Variants in CPPED1 observed in about 807,000 individuals in gnomAD.
CPPED1 encodes calcineurin like phosphoesterase domain containing 1.
A neutral mutation model predicts 28.0 loss-of-function variants in CPPED1; 28 were observed. The observed-to-expected ratio is 1.00, with a 90% CI of 0.74 to 1.37. The LOEUF is 1.37. Ranked by LOEUF, CPPED1 falls within the 40% of genes most tolerant of loss-of-function variation. The pLI is 0.00. For missense variants in CPPED1, 504 were observed against 416.5 expected, an observed-to-expected ratio of 1.21 and a Z score of -1.83; for synonymous variants, 198 against 180.2, an observed-to-expected ratio of 1.10 and a Z score of -0.79.
At chr16:12,801,879 A>G (rs1357302070) in intron 1 of CPPED1, among the ~76,000 whole-genome samples, 1 of 152,184 alleles carries the variant, frequency 6.6e-6, no homozygotes, top group Non-Finnish European at 1.5e-5. Context: ...CCACGCCTCA[A>G]AGGAGGAAAT....
intron 3 of CPPED1, 139 bp from the exon 4 acceptor site, chr16:12,665,254 T>A (rs769197894): frequency 7.9e-6 from 6 of 756,924 alleles, no homozygotes; most frequent in Non-Finnish European, 1.2e-5. Context: ...ATTAAATGTA[T>A]AATATTATTC....
At chr16:12,694,388 C>T (rs1014280818) in intron 3 of CPPED1, among the ~76,000 whole-genome samples, 59 of 152,236 alleles carry the variant, frequency 3.9e-4, no homozygotes, top group African/African-American at 1.3e-3. Flanking sequence ...CATTTACACA[C>T]GCCAGATTCT....
intron 3 of CPPED1, among the ~76,000 whole-genome samples, chr16:12,669,448 T>C (rs544186518): frequency 6.6e-6 from 1 of 152,102 alleles, no homozygotes; most frequent in Non-Finnish European, 1.5e-5. Flanking sequence ...ACGACTAAAT[T>C]TGATACTTCA....
Position 12,781,383 on chromosome 16 carries a change from C to G in CPPED1, c.91G>C (p.Gly31Arg), listed in dbSNP as rs200680134. The G allele has an allele frequency of 1.2e-6, 2 of 1,613,802 alleles. No homozygotes were observed. Among genetic ancestry groups the G allele is most frequent in the South Asian group, 2.2e-5 (2 of 90,996 alleles). The change falls in exon 2 of 4, where the codon GGC (glycine) becomes CGC (arginine). Residue 31 changes from glycine to arginine, a missense_variant. Physicochemically the swap from Gly to Arg is moderately radical, Grantham distance 125 (BLOSUM62 -2). Transcript: ENST00000381774. Reference sequence around the variant, plus strand: ...GCGCCCAGGATGAAGTAGAATGGGCCTTTCCATTCGCTTTCCTTTTCTTAA... The same window carrying G: ...GCGCCCAGGATGAAGTAGAATGGGCGTTTCCATTCGCTTTCCTTTTCTTAA... Reference protein sequence around the residue: ...FPAEKESEWKGPFYFILGADP... With the variant: ...FPAEKESEWKRPFYFILGADP...
chr16:12,793,715 G>C (rs567414277), intron 1 of CPPED1, among the ~76,000 whole-genome samples: 1 of 152,292 alleles, frequency 6.6e-6, no homozygotes, highest in East Asian at 1.9e-4. Context: ...TCTTAGCAGA[G>C]ACAGGCTTTT....
intron 3 of CPPED1, among the ~76,000 whole-genome samples, chr16:12,665,709 C>G (rs975636767): frequency 1.3e-5 from 2 of 152,158 alleles, no homozygotes; most frequent in African/African-American, 4.8e-5. Context: ...GTGGGTGGAT[C>G]ACAAGGTCAG....
chr16:12,761,366 T>C (rs2080409167), intron 2 of CPPED1, among the ~76,000 whole-genome samples: 3 of 151,238 alleles, frequency 2.0e-5, no homozygotes, highest in African/African-American at 4.9e-5. Flanking sequence ...TGGAAGCACA[T>C]GGTCACTACC....
chr16:12,777,275 T>C (rs969372039), intron 2 of CPPED1, among the ~76,000 whole-genome samples: 1 of 152,234 alleles, frequency 6.6e-6, no homozygotes, highest in Non-Finnish European at 1.5e-5. Context: ...TGAATGTATA[T>C]GTTAGTAACA....
chr16:12,725,731 T>C (rs939090371), intron 2 of CPPED1, among the ~76,000 whole-genome samples: 1 of 152,194 alleles, frequency 6.6e-6, no homozygotes, highest in Non-Finnish European at 1.5e-5. Flanking sequence ...GCTGTAATCT[T>C]GTGTGCCACA....
chr16:12,721,165 G>A (rs895966069), intron 2 of CPPED1, among the ~76,000 whole-genome samples: 1 of 152,206 alleles, frequency 6.6e-6, no homozygotes, highest in African/African-American at 2.4e-5. Context: ...TCTATCTTCT[G>A]AAGGGAAAAT....
At chr16:12,794,049 A>C (rs1229652931) in intron 1 of CPPED1, among the ~76,000 whole-genome samples, 1 of 152,178 alleles carries the variant, frequency 6.6e-6, no homozygotes, top group African/African-American at 2.4e-5. Flanking sequence ...TTTAAAAAAA[A>C]AAATCACACA....
intron 3 of CPPED1, among the ~76,000 whole-genome samples, chr16:12,667,068 G>A (rs1242344342): frequency 4.6e-5 from 7 of 151,672 alleles, no homozygotes; most frequent in Admixed American, 3.9e-4. Context: ...GGTGGGGGTG[G>A]AGGTAATGAA....
At position 12,689,062 on chromosome 16, in the gene CPPED1, A is replaced by G. The variant is rs145043523; in HGVS notation, c.715+15562T>C. 2.2e-4 allele frequency among the ~76,000 whole-genome samples: 33 copies of G among 152,310 alleles called. No individual in the cohort carries two copies. In the East Asian group the frequency reaches 6.4e-3, roughly 29 times the overall value. ...ACAAAGAACAAGTGGAAACAACCTC[A>G]GTGTCCAACAATGACAAGAGTTAAA... On this transcript the variant is annotated intron_variant, in intron 3 of 3. Transcript: ENST00000381774.
At chr16:12,684,852 C>G (rs9924156) in intron 3 of CPPED1, among the ~76,000 whole-genome samples, 38,483 of 152,034 alleles carry the variant, frequency 0.25, 8,615 homozygotes, top group African/African-American at 0.61. Context: ...TGGATGGATG[C>G]ACAGTGAATG....
chr16:12,731,914 G>A (rs1247715043), intron 2 of CPPED1, among the ~76,000 whole-genome samples: 5 of 151,886 alleles, frequency 3.3e-5, no homozygotes, highest in African/African-American at 4.8e-5. Context: ...TGTAATACTA[G>A]CACTTTGGGA....
At chr16:12,712,478 A>C (rs540492989) in intron 2 of CPPED1, among the ~76,000 whole-genome samples, 5 of 152,350 alleles carry the variant, frequency 3.3e-5, no homozygotes, top group Non-Finnish European at 1.5e-5. Context: ...CACATACACA[A>C]GTGTGCAAAA....
At chr16:12,761,413 G>C (rs73506388) in intron 2 of CPPED1, among the ~76,000 whole-genome samples, 13,680 of 152,154 alleles carry the variant, frequency 0.09, 2,110 homozygotes, top group African/African-American at 0.31. Context: ...TGTTTGACCT[G>C]ACAGTTTGGT....
In CPPED1 at chr16:12,709,027, C is replaced by A. The variant is rs1312721526; in HGVS notation, c.290-3978G>T. 1.3e-5 allele frequency among the ~76,000 whole-genome samples: 2 copies of A among 152,168 alleles called. No individual in the cohort carries two copies. The highest frequency in any genetic ancestry group is 2.9e-5 in the Non-Finnish European group (2 of 68,034). ...CCCGGGAGGCAGAGGTTGCAGTGAG[C>A]CAATATCGCACTATTGCATTCCAGC... On this transcript the variant is annotated intron_variant, in intron 2 of 3. Coordinates refer to ENST00000381774, the MANE Select transcript of CPPED1 (RefSeq NM_018340.3). This position sits in a 1 kb window ranked among gnomAD's most constrained non-coding sequence, Gnocchi z 4.4.
chr16:12,727,167 G>C, intron 2 of CPPED1, among the ~76,000 whole-genome samples: 1 of 152,246 alleles, frequency 6.6e-6, no homozygotes. Context: ...TGTGTGTCCA[G>C]TATAGAGGGG....
Sources: allele counts gnomAD v4.1 joint callset (sites outside exome capture counted in the v4.1 genomes callset), GRCh38; gene constraint gnomAD v4.1.1; non-coding constraint Gnocchi (gnomAD v3.1); transcripts MANE v1.5; gene names NCBI Gene and HGNC (gene_info 2026-07-23, HGNC 2026-07-21).